BICRAL: variants seen among roughly 807,000 people sequenced by gnomAD.
The protein encoded by BICRAL is BICRA like chromatin remodeling complex associated protein.
Under a neutral mutation model 91.8 loss-of-function variants are expected in BICRAL, and 8 were observed. The observed-to-expected ratio is 0.09, with a 90% CI of 0.05 to 0.16. The LOEUF (loss-of-function observed/expected upper bound fraction) is 0.16. Ranked by LOEUF, BICRAL falls within the 10% of genes least tolerant of loss-of-function variation. The pLI is 1.00. For synonymous variants in BICRAL, 445 were observed against 491.1 expected, an observed-to-expected ratio of 0.91 and a Z score of 1.24; for missense variants, 1,038 against 1,310.9, an observed-to-expected ratio of 0.79 and a Z score of 3.21.
Position 42,849,142 on chromosome 6 carries a change from A to G in BICRAL, c.1840-2950A>G, listed in dbSNP as rs567718296. ...AACCTTCTGTCACCTGGGCTGGAGT[A>G]CAGTGGCTTCATCACTGCACTTCAG... On this transcript the variant is annotated intron_variant, in intron 6 of 12. Transcript: ENST00000314073. Among the ~76,000 whole-genome samples the G allele has an allele frequency of 2.7e-3, 416 of 152,300 alleles. 1 individual carries two copies. Among genetic ancestry groups the G allele is most frequent in the Non-Finnish European group, 5.0e-3 (341 of 68,024 alleles).
intron 2 of BICRAL, among the ~76,000 whole-genome samples, chr6:42,817,598 G>GCCTCCCAAGTA (rs1434782267): frequency 6.6e-6 from 1 of 151,328 alleles, no homozygotes; most frequent in East Asian, 1.9e-4. Context: ...TCCCATCTCA[G>GCCTCCCAAGTA]CCTCCCAAGT....
chr6:42,809,976 G>A (rs1158395092), intron 1 of BICRAL, among the ~76,000 whole-genome samples: 1 of 151,848 alleles, frequency 6.6e-6, no homozygotes, highest in Non-Finnish European at 1.5e-5. Flanking sequence ...TAGTAGAGAC[G>A]GGGTTTCACC....
intron 1 of BICRAL, among the ~76,000 whole-genome samples, chr6:42,799,930 G>A (rs1582828142): frequency 3.3e-5 from 5 of 151,884 alleles, no homozygotes; most frequent in African/African-American, 9.7e-5. Flanking sequence ...TCCCAAGCTG[G>A]AGTGCAGTGG....
chr6:42,763,015 T>A (rs1015072895), intron 1 of BICRAL, among the ~76,000 whole-genome samples: 2 of 152,190 alleles, frequency 1.3e-5, no homozygotes, highest in African/African-American at 4.8e-5. Flanking sequence ...TTCTTACTGA[T>A]AGAGCTAGTA....
intron 1 of BICRAL, among the ~76,000 whole-genome samples, chr6:42,782,945 C>T (rs1430518269): frequency 2.1e-5 from 3 of 144,742 alleles, no homozygotes; most frequent in Non-Finnish European, 4.5e-5. Flanking sequence ...CATTTTCTTT[C>T]TTCTCGGCAA....
intron 1 of BICRAL, among the ~76,000 whole-genome samples, chr6:42,753,840 G>A (rs182760788): frequency 1.1e-4 from 17 of 152,274 alleles, no homozygotes; most frequent in African/African-American, 4.1e-4. Context: ...TTGAACTCCT[G>A]ACCTTAGGTG....
chr6:42,826,649 T>C (rs1764312511), intron 5 of BICRAL, among the ~76,000 whole-genome samples: 1 of 152,150 alleles, frequency 6.6e-6, no homozygotes, highest in African/African-American at 2.4e-5. Flanking sequence ...GTTCCCTTAC[T>C]CTTTTCAGTT....
intron 6 of BICRAL, among the ~76,000 whole-genome samples, chr6:42,844,057 C>T (rs1170313652): frequency 2.7e-5 from 4 of 150,052 alleles, no homozygotes; most frequent in African/African-American, 9.8e-5. Context: ...CCGCCTCGGC[C>T]TCCTAAAGTG....
chr6:42,838,002 T>C (rs1194543899), intron 6 of BICRAL, among the ~76,000 whole-genome samples: 1 of 152,226 alleles, frequency 6.6e-6, no homozygotes. Flanking sequence ...CAGTATTTGC[T>C]TTATTGGTGC....
intron 2 of BICRAL, among the ~76,000 whole-genome samples, chr6:42,813,823 C>T (rs1763905386): frequency 6.6e-6 from 1 of 152,010 alleles, no homozygotes. Flanking sequence ...GCCCATCTCA[C>T]ACTCTTTAAA....
chr6:42,810,139 A>G (rs890189303), intron 1 of BICRAL, among the ~76,000 whole-genome samples, 167 bp from the exon 2 acceptor site: 1 of 152,100 alleles, frequency 6.6e-6, no homozygotes, highest in African/African-American at 2.4e-5. Flanking sequence ...ACTCTTTTCC[A>G]CCCACTCCTC....
chr6:42,831,568 G>C (rs1251658736), intron 6 of BICRAL, among the ~76,000 whole-genome samples: 1 of 152,016 alleles, frequency 6.6e-6, no homozygotes, highest in Non-Finnish European at 1.5e-5. Flanking sequence ...CCATCATTTG[G>C]TTCCCACTCA....
chr6:42,808,359 G>A (rs1257571540), intron 1 of BICRAL, among the ~76,000 whole-genome samples: 3 of 152,118 alleles, frequency 2.0e-5, no homozygotes, highest in Non-Finnish European at 2.9e-5. Flanking sequence ...TCGAACTCCC[G>A]ACCTCAGGTG....
chr6:42,856,316 C>A (rs1045571770), intron 9 of BICRAL, among the ~76,000 whole-genome samples: 2 of 142,434 alleles, frequency 1.4e-5, no homozygotes, highest in African/African-American at 5.1e-5. Flanking sequence ...GACCCTGTCT[C>A]AAAATATATA....
chr6:42,771,664 T>C (rs1762737919), intron 1 of BICRAL, among the ~76,000 whole-genome samples: 1 of 151,856 alleles, frequency 6.6e-6, no homozygotes, highest in Non-Finnish European at 1.5e-5. Context: ...GTGGTTTTTG[T>C]TTTTGAGGGA....
intron 2 of BICRAL, among the ~76,000 whole-genome samples, chr6:42,813,056 T>TA (rs1314258488): frequency 1.3e-5 from 2 of 152,106 alleles, no homozygotes; most frequent in East Asian, 3.9e-4. Flanking sequence ...TAAATTAAAT[T>TA]AAAAAAATAA....
chr6:42,816,375 T>G (rs1301905981), intron 2 of BICRAL, among the ~76,000 whole-genome samples: 1 of 152,094 alleles, frequency 6.6e-6, no homozygotes, highest in Non-Finnish European at 1.5e-5. Flanking sequence ...TTCTGAGTAT[T>G]TGGTATATTT....
intron 1 of BICRAL, among the ~76,000 whole-genome samples, chr6:42,807,533 C>G (rs2113910227): frequency 6.6e-6 from 1 of 151,626 alleles, no homozygotes; most frequent in East Asian, 1.9e-4. Flanking sequence ...TTCATTCATA[C>G]CTATTTCAGT....
At position 42,818,612 on chromosome 6, in the gene BICRAL, G is replaced by A. The variant is rs1003244240; in HGVS notation, c.-5-3406G>A. On this transcript the variant is annotated intron_variant, in intron 2 of 12. Transcript: ENST00000314073. ...TTTGTCAGTCTTTTATGACTTGTGT[G>A]TCTTATGACATCCTTAGACTTTCCT... 7.3e-5 allele frequency among the ~76,000 whole-genome samples: 11 copies of A among 151,388 alleles called. No homozygotes were observed. In the East Asian group the frequency reaches 2.1e-3, roughly 29 times the overall value.
Sources: allele counts gnomAD v4.1 joint callset (sites outside exome capture counted in the v4.1 genomes callset), GRCh38; gene constraint gnomAD v4.1.1; transcripts MANE v1.5; gene names NCBI Gene and HGNC (gene_info 2026-07-23, HGNC 2026-07-21).